SAMD13: variants seen among roughly 807,000 people sequenced by gnomAD.
The protein encoded by SAMD13 is sterile alpha motif domain-containing protein 13.
SAMD13 carries 9 observed loss-of-function variants against 12.4 expected under a neutral mutation model. The ratio of observed to expected loss-of-function variants is 0.72; its 90% CI spans 0.44 to 1.26. The LOEUF is 1.26. Among genes scored for constraint, SAMD13 ranks in the 50% most tolerant of loss-of-function variants. The pLI, the probability that SAMD13 is intolerant of heterozygous loss-of-function variation, is 0.00. For missense variants in SAMD13, 84 were observed against 119.6 expected, an observed-to-expected ratio of 0.70 and a Z score of 1.39; for synonymous variants, 46 against 45.4, an observed-to-expected ratio of 1.01 and a Z score of -0.05.
chr1:84,327,307 A>G (rs1171838294), intron 3 of SAMD13, among the ~76,000 whole-genome samples: 2 of 152,228 alleles, frequency 1.3e-5, no homozygotes, highest in African/African-American at 2.4e-5. Flanking sequence ...TCTCAAAAAC[A>G]TATTACTGAT....
rs1463974184 is a variant in SAMD13 at position 84,318,111 on chromosome 1, A to G, written c.54-7526A>G. The stretch of plus-strand genomic sequence containing the variant: ...AGCTAAAGGTTTGTCAGTTTTGTTT[A>G]TCTTTTCAAAAGCCCAAGTCTGAGT... On this transcript the variant is annotated intron_variant, in intron 2 of 3. Coordinates refer to ENST00000394834, the MANE Select transcript of SAMD13 (RefSeq NM_001134663.2). Among the ~76,000 whole-genome samples the G allele has an allele frequency of 2.0e-5, 3 of 151,898 alleles. No individual in the cohort carries two copies. The South Asian group carries it at 6.2e-4, about 32-fold the overall frequency.
At chr1:84,298,662 C>T, upstream of SAMD13, 1 of 1,144,178 alleles carries the variant, frequency 8.7e-7, no homozygotes, top group Non-Finnish European at 1.1e-6. Context: ...CAATGAAAAC[C>T]GCTCTGCCCT....
intron 2 of SAMD13, among the ~76,000 whole-genome samples, chr1:84,312,946 G>A (rs555729940): frequency 6.6e-6 from 1 of 152,038 alleles, no homozygotes; most frequent in African/African-American, 2.4e-5. Flanking sequence ...AACTCAGGTG[G>A]GGAGAGCATG....
chr1:84,312,880 A>T (rs1224886214), intron 2 of SAMD13, among the ~76,000 whole-genome samples: 2 of 152,160 alleles, frequency 1.3e-5, no homozygotes, highest in Non-Finnish European at 2.9e-5. Flanking sequence ...TGTACCCAAA[A>T]TAAATTCTTG....
At chr1:84,349,413 C>T (rs1679602185) in intron 3 of SAMD13, among the ~76,000 whole-genome samples, 1 of 152,150 alleles carries the variant, frequency 6.6e-6, no homozygotes, top group Admixed American at 6.5e-5. Context: ...ATCTTGAAAG[C>T]AAGATCAGCT....
chr1:84,325,524 A>G (rs1679038149), intron 2 of SAMD13, 113 bp from the exon 3 acceptor site: 1 of 674,144 alleles, frequency 1.5e-6, no homozygotes, highest in Non-Finnish European at 2.7e-6. Context: ...GAGAGTAATC[A>G]TCATCTGAAC....
At chr1:84,330,758 TAAG>T (rs1679161912) in intron 3 of SAMD13, among the ~76,000 whole-genome samples, 1 of 152,170 alleles carries the variant, frequency 6.6e-6, no homozygotes, top group South Asian at 2.1e-4. Context: ...TTAGAATATA[TAAG>T]AAGAAGATGG....
In SAMD13 at chr1:84,350,081, A is replaced by G. The variant is rs1335319782; in HGVS notation, c.*307A>G. On this transcript the variant is annotated 3_prime_UTR_variant, in exon 4 of 4. Coordinates refer to ENST00000394834, the MANE Select transcript of SAMD13 (RefSeq NM_001134663.2). ...TCATAAGGATTTTCCTCATCTCTTT[A>G]TAGCTTTCCCAAAATCTTTTAAAAA... 1.3e-5 allele frequency: 3 copies of G among 231,204 alleles called. No homozygotes were observed. The highest frequency in any genetic ancestry group is 2.3e-5 in the African/African-American group (1 of 43,982). The allele number at this position is 231,204 out of a possible 1,614,324, so 14.3% of individuals were successfully genotyped here.
At chr1:84,320,110 C>T (rs77871876) in intron 2 of SAMD13, among the ~76,000 whole-genome samples, 2,112 of 152,222 alleles carry the variant, frequency 0.014, 54 homozygotes, top group African/African-American at 0.048. Context: ...TATGAGTTTC[C>T]AATGCTTATT....
intron 3 of SAMD13, chr1:84,344,555 G>T (rs970671001): frequency 4.4e-6 from 1 of 226,054 alleles, no homozygotes; most frequent in Admixed American, 5.2e-5. Context: ...CAAGAGCCTT[G>T]TGATAGTATT....
intron 2 of SAMD13, 108 bp from the exon 3 acceptor site, chr1:84,325,529 C>G: frequency 1.5e-6 from 1 of 688,682 alleles, no homozygotes; most frequent in South Asian, 1.7e-5. Context: ...TAATCATCAT[C>G]TGAACCCAAA....
At chr1:84,339,386 T>C (rs534842717) in intron 3 of SAMD13, among the ~76,000 whole-genome samples, 179 of 152,330 alleles carry the variant, frequency 1.2e-3, no homozygotes, top group African/African-American at 4.1e-3. Context: ...TCTTCTTTAA[T>C]GCCCTTCAGG....
At chr1:84,334,159 T>A (rs567444885) in intron 3 of SAMD13, among the ~76,000 whole-genome samples, 24 of 152,248 alleles carry the variant, frequency 1.6e-4, no homozygotes, top group Admixed American at 1.3e-3. Context: ...TCTGGTAGAA[T>A]TCAGCTGTAA....
intron 3 of SAMD13, among the ~76,000 whole-genome samples, chr1:84,347,402 A>AT (rs1679555314): frequency 6.6e-6 from 1 of 152,186 alleles, no homozygotes; most frequent in Non-Finnish European, 1.5e-5. Context: ...TGATTTTTCC[A>AT]TTTTGTCTTA....
chr1:84,302,703 T>C (rs1678477743), intron 1 of SAMD13: 3 of 985,722 alleles, frequency 3.0e-6, no homozygotes, highest in African/African-American at 3.5e-5. Context: ...AGGGGAATAC[T>C]TGCTGACAAA....
At chr1:84,344,359 C>T (rs1267971203) in intron 3 of SAMD13, among the ~76,000 whole-genome samples, 2 of 152,146 alleles carry the variant, frequency 1.3e-5, no homozygotes, top group African/African-American at 4.8e-5. Context: ...ATATTATCCA[C>T]TCTAAATTTC....
At chr1:84,299,674 T>A, upstream of SAMD13, 1 of 848,342 alleles carries the variant, frequency 1.2e-6, no homozygotes, top group Non-Finnish European at 1.6e-6. Context: ...TATATATATA[T>A]ATTTATTTAT....
At position 84,303,293 on chromosome 1, in the gene SAMD13, T is replaced by C. The variant is rs2101784966; in HGVS notation, c.53+6T>C. The C allele has an allele frequency of 6.2e-7, 1 of 1,609,582 alleles. No individual in the cohort carries two copies. The highest frequency in any genetic ancestry group is 2.2e-5 in the East Asian group (1 of 44,804). ...GGCTCTGTCGGTGTAAAAAAGTAAGTGAAGCTGGCTTCTGAGTTCTGCTTC... is the reference window on the plus strand; with the variant it reads ...GGCTCTGTCGGTGTAAAAAAGTAAGCGAAGCTGGCTTCTGAGTTCTGCTTC... On this transcript the variant is annotated splice_donor_region_variant and intron_variant, in intron 2 of 3. Transcript: ENST00000394834.
chr1:84,309,502 C>G (rs937907182), intron 2 of SAMD13, among the ~76,000 whole-genome samples: 3 of 152,140 alleles, frequency 2.0e-5, no homozygotes, highest in Non-Finnish European at 4.4e-5. Context: ...CTTCTAAAGT[C>G]TCCCAGCCTT....
Sources: allele counts gnomAD v4.1 joint callset (sites outside exome capture counted in the v4.1 genomes callset), GRCh38; gene constraint gnomAD v4.1.1; transcripts MANE v1.5; gene names NCBI Gene and HGNC (gene_info 2026-07-23, HGNC 2026-07-21).